DNAH5: variants seen among roughly 807,000 people sequenced by gnomAD.
The protein encoded by DNAH5 is dynein axonemal heavy chain 5.
DNAH5 carries 372 observed loss-of-function variants against 518.2 expected under a neutral mutation model. That is an observed-to-expected ratio of 0.72 (90% confidence interval 0.66 to 0.78). The LOEUF (loss-of-function observed/expected upper bound fraction) is 0.78, where lower values mean the gene tolerates loss of function less well. Ranked by LOEUF, DNAH5 falls within the 30% of genes least tolerant of loss-of-function variation. The pLI, the probability that DNAH5 is intolerant of heterozygous loss-of-function variation, is 0.00. For missense variants in DNAH5, 5,523 were observed against 5,687.0 expected, an observed-to-expected ratio of 0.97 and a Z score of 0.93; for synonymous variants, 2,039 against 2,025.9, an observed-to-expected ratio of 1.01 and a Z score of -0.17.
At chr5:13,778,584 AAGAAAGAAAGAAAG>A (rs1474386102) in intron 53 of DNAH5, among the ~76,000 whole-genome samples, 62 of 74,082 alleles carry the variant, frequency 8.4e-4, no homozygotes, top group African/African-American at 2.3e-3. Context: ...GAAAGAAAGA[AAGAAAGAAAGAAAG>A]AGAGAGAGAA....
intron 51 of DNAH5, among the ~76,000 whole-genome samples, chr5:13,787,802 C>T (rs1756305390): frequency 6.6e-6 from 1 of 152,160 alleles, no homozygotes; most frequent in African/African-American, 2.4e-5. Flanking sequence ...CCAATTGCAT[C>T]TCCAGAAATA....
In DNAH5 at chr5:13,928,671, C is replaced by T. The variant is rs1031926949; in HGVS notation, c.193-493G>A. Reference sequence around the variant, plus strand: ...CTGGCACTAAGCTGGGACTAAGAGTCCCATCCCTGAGGCTCACTGTAAGTC... The same window carrying T: ...CTGGCACTAAGCTGGGACTAAGAGTTCCATCCCTGAGGCTCACTGTAAGTC... On this transcript the variant is annotated intron_variant, in intron 2 of 78. Coordinates refer to ENST00000265104, the MANE Select transcript of DNAH5 (RefSeq NM_001369.3). Among the ~76,000 whole-genome samples, 2 of 152,200 alleles carry T rather than the reference C, an allele frequency of 1.3e-5. 1 individual carries two copies. Among genetic ancestry groups the T allele is most frequent in the South Asian group, 4.1e-4 (2 of 4,822 alleles).
chr5:13,874,706 C>T (rs561596665), intron 22 of DNAH5, among the ~76,000 whole-genome samples: 32 of 152,184 alleles, frequency 2.1e-4, no homozygotes, highest in Non-Finnish European at 4.4e-4. Context: ...TTAGTGGAAA[C>T]ATAGTTTTAC....
chr5:13,720,324 C>T (rs1744875889), intron 71 of DNAH5, among the ~76,000 whole-genome samples: 1 of 152,184 alleles, frequency 6.6e-6, no homozygotes, highest in Admixed American at 6.5e-5. Flanking sequence ...ACAGCAACTA[C>T]AAAAAGACTT....
rs1396346459 is a variant in DNAH5 at position 13,691,098 on chromosome 5, C to T, written c.*886G>A. On this transcript the variant is annotated 3_prime_UTR_variant, in exon 79 of 79. Coordinates refer to ENST00000265104, the MANE Select transcript of DNAH5 (RefSeq NM_001369.3). ...CCAAATATCTCTTAATTTCCTTAAC[C>T]ATAGCCTGACTATTGAATATTTATG... 1 of 152,144 alleles carries T rather than the reference C, an allele frequency of 6.6e-6. No individual in the cohort carries two copies. Among genetic ancestry groups the T allele is most frequent in the Non-Finnish European group, 1.5e-5 (1 of 68,026 alleles). 9.4% of individuals were successfully genotyped at this position (152,144 alleles called of 1,614,324 possible).
intron 30 of DNAH5, among the ~76,000 whole-genome samples, chr5:13,855,994 G>A (rs1433674399): frequency 1.3e-5 from 2 of 152,184 alleles, no homozygotes; most frequent in African/African-American, 2.4e-5. Context: ...CACAGCTAAA[G>A]CACTGTTTAG....
chr5:13,882,876 T>G, intron 20 of DNAH5, 28 bp downstream of exon 20: 1 of 1,613,936 alleles, frequency 6.2e-7, no homozygotes. Flanking sequence ...GGTTTCCATA[T>G]GAAACCATTT....
At chr5:13,694,462 G>A (rs28378318) in intron 78 of DNAH5, among the ~76,000 whole-genome samples, 5,767 of 152,170 alleles carry the variant, frequency 0.038, 309 homozygotes, top group African/African-American at 0.12. Context: ...GACAAAAATA[G>A]GCATGCTAGG....
In DNAH5 at chr5:13,701,391, T is replaced by C. The variant is rs377600476; in HGVS notation, c.13384A>G (p.Ile4462Val). The C allele has an allele frequency of 6.2e-6, 10 of 1,613,670 alleles. No individual in the cohort carries two copies. The highest frequency in any genetic ancestry group is 1.3e-5 in the African/African-American group (1 of 74,840). ...GAGGTAAACTGGCTGTTTCTTTCTA[T>C]AAGTTCAGTAAACCAGAAACCCAGT... ...STLGFWFTEL[I>V]ERNSQFTSWV... is the part of the protein sequence containing the mutation. The change falls in exon 77 of 79, where the codon ATA becomes GTA. Residue 4462 changes from isoleucine (I) to valine (V), a missense_variant. By Grantham distance (29) the Ile-to-Val change is conservative. Transcript: ENST00000265104.
At chr5:13,863,770 C>A (rs1768817276) in intron 28 of DNAH5, among the ~76,000 whole-genome samples, 1 of 152,172 alleles carries the variant, frequency 6.6e-6, no homozygotes. Flanking sequence ...GTCAACCTAA[C>A]CATGTCAGCC....
intron 1 of DNAH5, among the ~76,000 whole-genome samples, chr5:13,952,237 C>T (rs535383807): frequency 2.0e-5 from 3 of 152,286 alleles, no homozygotes; most frequent in South Asian, 2.1e-4. Context: ...TTAGCACTCA[C>T]GCCCACACTA....
chr5:13,772,996 A>G (rs1753555368), intron 55 of DNAH5, among the ~76,000 whole-genome samples: 2 of 152,336 alleles, frequency 1.3e-5, no homozygotes, highest in African/African-American at 4.8e-5. Flanking sequence ...TAATACTCAC[A>G]GATGGTATTC....
At chr5:13,752,329 C>T (rs778157893) in intron 63 of DNAH5, 40 bp from the exon 64 acceptor site, 1 of 1,608,144 alleles carries the variant, frequency 6.2e-7, no homozygotes. Context: ...GCAGACATTA[C>T]CATGAAGCAA....
intron 1 of DNAH5, among the ~76,000 whole-genome samples, chr5:13,980,602 C>T (rs568207753): frequency 6.6e-6 from 1 of 152,284 alleles, no homozygotes; most frequent in Non-Finnish European, 1.5e-5. Context: ...AATCTGACCA[C>T]CTCCTAGCTC....
intron 66 of DNAH5, among the ~76,000 whole-genome samples, chr5:13,736,341 A>G (rs1052803758): frequency 1.3e-5 from 2 of 152,104 alleles, no homozygotes; most frequent in African/African-American, 4.8e-5. Flanking sequence ...CTGCAAAACA[A>G]GCCATTGCAA....
rs758985389 is a variant in DNAH5, at chr5:13,777,401, A to C, written c.8952-46T>G. 233 of 1,577,106 alleles carry C rather than the reference A, an allele frequency of 1.5e-4. 2 individuals carry two copies. Among genetic ancestry groups the C allele is most frequent in the Admixed American group, 7.9e-4 (47 of 59,350 alleles). On this transcript the variant is annotated intron_variant, in intron 53 of 78. Transcript: ENST00000265104. ...TGTCATTAGCTAAAATATTTTCATG[A>C]GAGGGAAAGAACCTTGTAACAACGC...
Position 13,876,030 on chromosome 5 carries a change from C to T in DNAH5, c.3396+654G>A, listed in dbSNP as rs112535311. The stretch of plus-strand genomic sequence containing the variant: ...TTAACAAGTCAACAAGTCTTACTGG[C>T]CATGTGAATTAGAAGAGTTTTTTTA... On this transcript the variant is annotated intron_variant, in intron 22 of 78. Transcript: ENST00000265104. 3.4e-3 allele frequency among the ~76,000 whole-genome samples: 517 copies of T among 152,126 alleles called. 4 individuals are homozygous for T. The highest frequency in any genetic ancestry group is 0.012 in the African/African-American group (496 of 41,496).
intron 1 of DNAH5, among the ~76,000 whole-genome samples, chr5:13,994,335 A>G (rs1783778252): frequency 1.3e-5 from 2 of 152,228 alleles, no homozygotes; most frequent in South Asian, 4.1e-4. Context: ...TTTGCCGCTG[A>G]GATCATGAAT....
intron 1 of DNAH5, among the ~76,000 whole-genome samples, chr5:14,005,055 G>C (rs931157143): frequency 1.3e-5 from 2 of 152,008 alleles, no homozygotes; most frequent in Non-Finnish European, 2.9e-5. Flanking sequence ...GGTGGGACTT[G>C]AAAGTCCCTC....
Sources: allele counts gnomAD v4.1 joint callset (sites outside exome capture counted in the v4.1 genomes callset), GRCh38; gene constraint gnomAD v4.1.1; transcripts MANE v1.5; gene names NCBI Gene and HGNC (gene_info 2026-07-23, HGNC 2026-07-21).